LRRC37A2: variants seen among roughly 807,000 people sequenced by gnomAD.
LRRC37A2 encodes the protein leucine-rich repeat-containing protein 37A2.
LRRC37A2 carries 9 observed loss-of-function variants against 68.8 expected under a neutral mutation model. That is an observed-to-expected ratio of 0.13 (90% CI 0.08 to 0.23). The LOEUF (loss-of-function observed/expected upper bound fraction) is 0.23, where lower values mean the gene tolerates loss of function less well. Ranked by LOEUF, LRRC37A2 falls within the 10% of genes least tolerant of loss-of-function variation. The pLI is 1.00. For synonymous variants in LRRC37A2, 63 were observed against 367.6 expected, an observed-to-expected ratio of 0.17 and a Z score of 9.48; for missense variants, 168 against 950.4, an observed-to-expected ratio of 0.18 and a Z score of 10.82.
At chr17:46,870,832 G>T in the LRRC37A2 span, among the ~76,000 whole-genome samples, 1 of 151,748 alleles carries the variant, frequency 6.6e-6, no homozygotes, top group African/African-American at 2.4e-5. Context: ...TTGGCCAGTG[G>T]CACATGAGCA....
chr17:47,020,660 G>T, the LRRC37A2 span, among the ~76,000 whole-genome samples: 1 of 149,482 alleles, frequency 6.7e-6, no homozygotes. Context: ...TGGGTGCCTG[G>T]AGTCCCAGCT....
the LRRC37A2 span, among the ~76,000 whole-genome samples, chr17:47,039,020 T>G: frequency 6.7e-6 from 1 of 149,580 alleles, no homozygotes; most frequent in East Asian, 2.0e-4. Flanking sequence ...TTGTGCAGAT[T>G]CACATTAGTA....
the LRRC37A2 span, chr17:46,935,398 A>C: frequency 1.4e-6 from 2 of 1,435,642 alleles, no homozygotes; most frequent in South Asian, 3.1e-5. Flanking sequence ...GGCCTCTCTT[A>C]GGATCCAGGT....
the LRRC37A2 span, among the ~76,000 whole-genome samples, chr17:46,741,940 G>C: frequency 1.3e-5 from 2 of 152,102 alleles, no homozygotes; most frequent in Non-Finnish European, 2.9e-5. Context: ...TAATTTAGTA[G>C]AGACAGCATT....
At chr17:47,008,041 TTTAA>T in the LRRC37A2 span, among the ~76,000 whole-genome samples, 15 of 152,226 alleles carry the variant, frequency 9.9e-5, no homozygotes, top group Non-Finnish European at 1.5e-4. Context: ...TTTCATAAAA[TTTAA>T]TTAAGTTTTC....
At chr17:46,990,683 T>G in the LRRC37A2 span, among the ~76,000 whole-genome samples, 1 of 152,122 alleles carries the variant, frequency 6.6e-6, no homozygotes, top group Non-Finnish European at 1.5e-5. Flanking sequence ...GCTTTTTTTT[T>G]TTCTTAAGAT....
the LRRC37A2 span, among the ~76,000 whole-genome samples, chr17:46,771,567 C>A: frequency 6.7e-6 from 1 of 148,484 alleles, no homozygotes. Flanking sequence ...CCCCGTCCGG[C>A]GGGGCCCGCT....
the LRRC37A2 span, among the ~76,000 whole-genome samples, chr17:46,839,977 TC>T: frequency 0.011 from 1,265 of 118,298 alleles, 4 homozygotes; most frequent in East Asian, 0.023. Context: ...TCTTTCTTTC[TC>T]TTCTTTCTTT....
At chr17:46,754,848 G>GA in the LRRC37A2 span, among the ~76,000 whole-genome samples, 1 of 152,226 alleles carries the variant, frequency 6.6e-6, no homozygotes, top group African/African-American at 2.4e-5. Context: ...CTGAGGCTAA[G>GA]AAAAGCTACA....
At chr17:46,768,078 G>T in the LRRC37A2 span, among the ~76,000 whole-genome samples, 1 of 152,164 alleles carries the variant, frequency 6.6e-6, no homozygotes, top group Non-Finnish European at 1.5e-5. This position sits in a 1 kb window ranked among gnomAD's most constrained non-coding sequence, Gnocchi z 5.0. Context: ...GTGAGCCACC[G>T]CACCCGGCCA....
chr17:46,529,195 G>A lies in LRRC37A2; in HGVS notation c.2906+5311G>A, dbSNP rs1254411151. On this transcript the variant is annotated intron_variant, in intron 6 of 14. Coordinates refer to ENST00000576629, the Ensembl canonical transcript of LRRC37A2. ...TGGACCTGTACAGAAGAATTTGGAG[G>A]GAAAAAAAAGAACAAGCAAGAAATG... 3.7e-5 allele frequency among the ~76,000 whole-genome samples: 5 copies of A among 133,686 alleles called. No individual in the cohort carries two copies. The East Asian group carries it at 9.9e-4, about 27-fold the overall frequency. 87.7% of individuals were successfully genotyped at this position (133,686 alleles called of 152,430 possible).
the LRRC37A2 span, among the ~76,000 whole-genome samples, chr17:46,803,484 G>A: frequency 6.6e-6 from 1 of 152,100 alleles, no homozygotes; most frequent in African/African-American, 2.4e-5. Flanking sequence ...TAGTGAGATC[G>A]TGTCACTGCA....
chr17:46,755,024 C>T, the LRRC37A2 span, among the ~76,000 whole-genome samples: 2 of 152,258 alleles, frequency 1.3e-5, no homozygotes, highest in African/African-American at 4.8e-5. Flanking sequence ...ACAGCGATGC[C>T]TCACAGGCAT....
chr17:46,830,764 T>G, the LRRC37A2 span: 1 of 398,654 alleles, frequency 2.5e-6, no homozygotes, highest in Admixed American at 4.4e-5. Context: ...AGGTGAGGCA[T>G]GGGTTAAACC....
chr17:46,833,581 G>T, the LRRC37A2 span: 1 of 374,806 alleles, frequency 2.7e-6, no homozygotes, highest in Non-Finnish European at 5.3e-6. Flanking sequence ...CTCCTGCTCA[G>T]TGTGGTGGGC....
chr17:46,500,924 A>G, the LRRC37A2 span, among the ~76,000 whole-genome samples: 1 of 151,162 alleles, frequency 6.6e-6, no homozygotes, highest in South Asian at 2.1e-4. Context: ...TCATGCCTGT[A>G]ATCCCAGCAC....
At chr17:46,531,439 ATATT>A (rs2053626861) in intron 6 of LRRC37A2, among the ~76,000 whole-genome samples, 1 of 93,626 alleles carries the variant, frequency 1.1e-5, no homozygotes, top group African/African-American at 4.8e-5. Flanking sequence ...CTTTGAAGAA[ATATT>A]TATTCACATC....
the LRRC37A2 span, among the ~76,000 whole-genome samples, chr17:47,014,965 C>T: frequency 2.0e-5 from 3 of 149,358 alleles, no homozygotes; most frequent in Non-Finnish European, 1.5e-5. Flanking sequence ...GTTCCGTAAG[C>T]GTATAATGGA....
the LRRC37A2 span, among the ~76,000 whole-genome samples, chr17:46,905,818 T>G: frequency 4.6e-5 from 6 of 129,214 alleles, no homozygotes; most frequent in South Asian, 2.5e-4. Flanking sequence ...GTGTGTGCGT[T>G]TGTTGGGGGA....
Sources: allele counts gnomAD v4.1 joint callset (sites outside exome capture counted in the v4.1 genomes callset), GRCh38; gene constraint gnomAD v4.1.1; non-coding constraint Gnocchi (gnomAD v3.1); transcripts MANE v1.5; gene names NCBI Gene and HGNC (gene_info 2026-07-23, HGNC 2026-07-21).